ATP2C2: variants seen among roughly 807,000 people sequenced by gnomAD.
ATP2C2 encodes the protein ATPase secretory pathway Ca2+ transporting 2, also known as calcium-transporting ATPase type 2C member 2.
A neutral mutation model predicts 110.8 loss-of-function variants in ATP2C2; 171 were observed. The observed-to-expected ratio is 1.54, with a 90% CI of 1.36 to 1.75. The LOEUF (loss-of-function observed/expected upper bound fraction) is 1.75. ATP2C2 is among the 40% of genes most tolerant of loss of function. The pLI is 0.00. For missense variants in ATP2C2, 1,963 were observed against 1,235.0 expected (o/e 1.59, Z -8.84); for synonymous variants, 804 against 508.4 (o/e 1.58, Z -7.82).
intron 21 of ATP2C2, among the ~76,000 whole-genome samples, chr16:84,458,678 C>T (rs143355785): frequency 3.9e-5 from 6 of 152,212 alleles, no homozygotes; most frequent in Admixed American, 3.3e-4. Flanking sequence ...CAGAAGCAGG[C>T]GATGTCCTTC....
intron 2 of ATP2C2, 80 bp from the exon 3 acceptor site, chr16:84,405,048 T>G (rs908799775): frequency 2.5e-6 from 3 of 1,213,042 alleles, no homozygotes; most frequent in Non-Finnish European, 3.7e-6. Flanking sequence ...GCCGCTGCCT[T>G]TCAGAGTGGG....
intron 3 of ATP2C2, among the ~76,000 whole-genome samples, chr16:84,407,727 C>T (rs751455014): frequency 2.0e-5 from 3 of 152,150 alleles, no homozygotes; most frequent in Non-Finnish European, 4.4e-5. Context: ...CCATTTCTGC[C>T]TCCCAAAGGG....
At chr16:84,441,349 G>A (rs1222412985) in intron 14 of ATP2C2, among the ~76,000 whole-genome samples, 2 of 152,186 alleles carry the variant, frequency 1.3e-5, no homozygotes, top group Non-Finnish European at 2.9e-5. Flanking sequence ...AGGCTCTAAG[G>A]AGACTCCTGC....
At chr16:84,373,324 A>T (rs1910067711) in intron 1 of ATP2C2, among the ~76,000 whole-genome samples, 1 of 152,074 alleles carries the variant, frequency 6.6e-6, no homozygotes, top group Non-Finnish European at 1.5e-5. Flanking sequence ...ACATGGCAAA[A>T]CCCCATCTCT....
At chr16:84,393,422 G>A (rs1369292832) in intron 1 of ATP2C2, among the ~76,000 whole-genome samples, 4 of 152,066 alleles carry the variant, frequency 2.6e-5, no homozygotes, top group Non-Finnish European at 1.5e-5. Flanking sequence ...ACTGGACTGA[G>A]GCAGAGCAAG....
At position 84,463,606 on chromosome 16, in the gene ATP2C2, C is replaced by A. The variant is rs1560247; in HGVS notation, c.2723-8C>A. 6.2e-7 allele frequency: 1 copy of A among 1,609,022 alleles called. No homozygotes were observed. The highest frequency in any genetic ancestry group is 1.3e-5 in the African/African-American group (1 of 74,788). ...GTCCTGAATCTTTTCTGTTTTCTCC[C>A]TTGGCAGATTTGCTGTTTTTAACTG... On this transcript the variant is annotated splice_region_variant and splice_polypyrimidine_tract_variant and intron_variant, in intron 26 of 26. Transcript: ENST00000262429.
rs1001544965 is a variant in ATP2C2 at position 84,412,667 on chromosome 16, C to T, written c.515+1902C>T. 2.0e-5 allele frequency among the ~76,000 whole-genome samples: 3 copies of T among 152,034 alleles called. No individual in the cohort carries two copies. In the East Asian group the frequency reaches 5.8e-4, roughly 29 times the overall value. Reference sequence around the variant, plus strand: ...TTAGCATAGCAGTGGTCCATAAGCTCGTTCTCCTAGTAGAAAATGAAATGA... The same window carrying T: ...TTAGCATAGCAGTGGTCCATAAGCTTGTTCTCCTAGTAGAAAATGAAATGA... On this transcript the variant is annotated intron_variant, in intron 6 of 26. Transcript: ENST00000262429.
intron 3 of ATP2C2, chr16:84,406,553 C>T (rs757048394): frequency 4.1e-6 from 4 of 977,390 alleles, no homozygotes; most frequent in African/African-American, 1.8e-5. Flanking sequence ...CCTCTGTCTC[C>T]ACTCTCCTTG....
At chr16:84,413,370 G>A (rs966834526) in intron 6 of ATP2C2, among the ~76,000 whole-genome samples, 1 of 152,160 alleles carries the variant, frequency 6.6e-6, no homozygotes, top group South Asian at 2.1e-4. Context: ...ATACAAGGCG[G>A]AGAATGACGA....
rs537059689 is a variant in ATP2C2 at position 84,458,987 on chromosome 16, C to A, written c.2148-133C>A. ...ACAAATGTGTCCCCAAGAATGCCAG[C>A]AAGGGGAACCAGCAGGGGCCCAAGT... On this transcript the variant is annotated intron_variant, in intron 21 of 26. Transcript: ENST00000262429. 6.5e-5 allele frequency: 62 copies of A among 952,078 alleles called. No homozygotes were observed. The South Asian group carries it at 8.5e-4, about 13-fold the overall frequency. The allele number at this position is 952,078 out of a possible 1,614,324, so 59.0% of individuals were successfully genotyped here. A position where few individuals can be genotyped will look rare whatever the true frequency, so the allele number is the denominator to read the frequency against.
chr16:84,452,707 C>T (rs528954293), intron 18 of ATP2C2, among the ~76,000 whole-genome samples: 2 of 152,174 alleles, frequency 1.3e-5, no homozygotes, highest in East Asian at 1.9e-4. Context: ...CTGTGTTGCC[C>T]AGGCTGGTCT....
At chr16:84,438,110 G>A (rs144049066) in intron 11 of ATP2C2, among the ~76,000 whole-genome samples, 50 of 151,920 alleles carry the variant, frequency 3.3e-4, no homozygotes, top group Non-Finnish European at 6.5e-4. Context: ...ACCACATTTG[G>A]CTCATCCATT....
intron 4 of ATP2C2, among the ~76,000 whole-genome samples, chr16:84,410,123 C>T (rs533061236): frequency 2.0e-5 from 3 of 152,070 alleles, no homozygotes; most frequent in African/African-American, 7.2e-5. Context: ...GCAGGAGAAT[C>T]GCTTGAAACC....
intron 7 of ATP2C2, among the ~76,000 whole-genome samples, chr16:84,417,066 G>T (rs1906903780): frequency 6.6e-6 from 1 of 152,216 alleles, no homozygotes; most frequent in African/African-American, 2.4e-5. Context: ...CTTGAGCCCT[G>T]GGACCATCAT....
At chr16:84,439,398 C>CTT (rs3085208) in intron 12 of ATP2C2, 29 bp from the exon 13 acceptor site, 741,272 of 1,612,522 alleles carry the variant, frequency 0.46, 172,761 homozygotes, top group East Asian at 0.64. Flanking sequence ...GGCAACTTCT[C>CTT]TTCTATAAAC....
intron 11 of ATP2C2, among the ~76,000 whole-genome samples, chr16:84,430,075 A>T (rs1173372228): frequency 6.6e-6 from 1 of 152,144 alleles, no homozygotes; most frequent in East Asian, 1.9e-4. Flanking sequence ...GGATACTCTA[A>T]TGACCCCATT....
At chr16:84,418,664 A>AGG (rs1030230950) in intron 7 of ATP2C2, among the ~76,000 whole-genome samples, 2 of 152,250 alleles carry the variant, frequency 1.3e-5, no homozygotes, top group African/African-American at 4.8e-5. Context: ...TGGGCGGTGG[A>AGG]GGGGGACATG....
At chr16:84,427,797 AGT>A (rs1332386467) in intron 11 of ATP2C2, among the ~76,000 whole-genome samples, 1 of 152,052 alleles carries the variant, frequency 6.6e-6, no homozygotes, top group African/African-American at 2.4e-5. Flanking sequence ...GGGGTTGGGG[AGT>A]GTGTAGTGAC....
At chr16:84,370,102 G>A (rs1909864436) in intron 1 of ATP2C2, among the ~76,000 whole-genome samples, 1 of 152,074 alleles carries the variant, frequency 6.6e-6, no homozygotes, top group Non-Finnish European at 1.5e-5. Flanking sequence ...GTGTGTAGTT[G>A]GTTACCATCA....
Sources: gnomAD v4.1 joint callset for allele counts (sites outside exome capture counted in the v4.1 genomes callset) on GRCh38, gnomAD v4.1.1 for gene constraint, MANE v1.5 for transcripts, NCBI Gene and HGNC (gene_info 2026-07-23, HGNC 2026-07-21) for gene names.